CDHR1: variants seen among roughly 807,000 people sequenced by gnomAD.
The protein encoded by CDHR1 is cadherin-related family member 1.
Under a neutral mutation model 72.1 loss-of-function variants are expected in CDHR1, and 61 were observed. The ratio of observed to expected loss-of-function variants is 0.85; its 90% CI spans 0.69 to 1.05. The LOEUF is 1.05. CDHR1 is among the 50% of genes least tolerant of loss of function. The pLI is 0.00. For missense variants in CDHR1, 1,186 were observed against 1,115.7 expected (o/e 1.06, Z -0.90); for synonymous variants, 470 against 448.1 (o/e 1.05, Z -0.62).
In CDHR1 at chr10:84,211,078, T is replaced by C; in HGVS notation, c.1398T>C (p.Asn466=). ...ADVVIQLLDT[N]DNVPKFDSLY... is the part of the protein sequence containing the mutation. ...TTGTGATCCAGCTCCTGGACACCAATGACAATGTCCCCAAGTTCGACTCCC... is the reference window on the plus strand; with the variant it reads ...TTGTGATCCAGCTCCTGGACACCAACGACAATGTCCCCAAGTTCGACTCCC... The change falls in exon 13 of 17, where the codon AAT becomes AAC. Residue 466 remains asparagine (N), a synonymous_variant. Coordinates refer to ENST00000623527, the MANE Select transcript of CDHR1 (RefSeq NM_033100.4). The C allele has an allele frequency of 6.2e-7, 1 of 1,614,248 alleles. No individual in the cohort carries two copies. Among genetic ancestry groups the C allele is most frequent in the Non-Finnish European group, 8.5e-7 (1 of 1,180,038 alleles).
Position 84,205,911 on chromosome 10 carries a change from A to G in CDHR1, c.947A>G (p.Tyr316Cys). 1 of 1,613,506 alleles carries G rather than the reference A, an allele frequency of 6.2e-7. No individual in the cohort carries two copies. Residue 316 changes from tyrosine (Y) to cysteine (C), a missense_variant, in exon 10 of 17, where the codon TAT becomes TGT. Physicochemically the swap from Tyr to Cys is radical, Grantham distance 194. Coordinates refer to ENST00000623527, the MANE Select transcript of CDHR1 (RefSeq NM_033100.4). ...QSPAQLQREVYELHVQVTEMS... is the reference protein window; with the variant it reads ...QSPAQLQREVCELHVQVTEMS... ...CCGGCCCAGCTCCAGAGAGAGGTGT[A>G]TGAGCTGCATGTACAGGTACCCTCC...
chr10:84,215,094 C>A lies in CDHR1; in HGVS notation c.*473C>A, dbSNP rs930187665. On this transcript the variant is annotated 3_prime_UTR_variant, in exon 17 of 17. Transcript: ENST00000623527. ...GCAGGAGCAGGAAAAGGAGGCTCAG[C>A]ACTGTCTCAGGCTGGAGGTCAGCGA... is the stretch of plus-strand genomic sequence containing the variant. 5.7e-6 allele frequency: 6 copies of A among 1,053,246 alleles called. No homozygotes were observed. The Admixed American group carries it at 2.0e-4, about 35-fold the overall frequency. 65.2% of individuals were successfully genotyped at this position (1,053,246 alleles called of 1,614,324 possible).
intron 12 of CDHR1, among the ~76,000 whole-genome samples, chr10:84,210,425 C>G (rs556443112): frequency 6.6e-6 from 1 of 151,862 alleles, no homozygotes; most frequent in Admixed American, 6.6e-5. Context: ...ATCATCACAC[C>G]CGGCTAATTT....
At chr10:84,210,503 G>A (rs565389430) in intron 12 of CDHR1, among the ~76,000 whole-genome samples, 2 of 152,208 alleles carry the variant, frequency 1.3e-5, no homozygotes, top group South Asian at 4.2e-4. Flanking sequence ...CCGACCTCAG[G>A]TGATCCACCC....
intron 8 of CDHR1, among the ~76,000 whole-genome samples, chr10:84,203,860 G>C (rs1002043272): frequency 2.0e-5 from 3 of 152,178 alleles, no homozygotes; most frequent in Admixed American, 1.3e-4. Context: ...TCCCACTGAG[G>C]AGCTAAGGGG....
At position 84,212,225 on chromosome 10, in the gene CDHR1, G is replaced by A; in HGVS notation, c.1600G>A (p.Ala534Thr). The A allele has an allele frequency of 6.2e-7, 1 of 1,614,254 alleles. No individual in the cohort carries two copies. The highest frequency in any genetic ancestry group is 1.1e-5 in the South Asian group (1 of 91,090). The change falls in exon 15 of 17, where the codon GCT becomes ACT. Residue 534 changes from alanine (A) to threonine (T), a missense_variant. Physicochemically the swap from Ala to Thr is moderately conservative, Grantham distance 58. Transcript: ENST00000623527. ...STGLIYTQPWASLDAEATARY... is the reference protein window; with the variant it reads ...STGLIYTQPWTSLDAEATARY... ...TGGGCTTATCTACACCCAGCCCTGG[G>A]CTAGCCTGGACGCTGAGGCCACTGC...
At chr10:84,198,706 C>G (rs1007167345) in intron 4 of CDHR1, among the ~76,000 whole-genome samples, 1 of 152,234 alleles carries the variant, frequency 6.6e-6, no homozygotes, top group African/African-American at 2.4e-5. Flanking sequence ...GCCCTCAGTG[C>G]CTGGCATACT....
In CDHR1 at chr10:84,212,173, T is replaced by G. The variant is rs1336222317; in HGVS notation, c.1554-6T>G. The G allele has an allele frequency of 6.2e-7, 1 of 1,613,456 alleles. No homozygotes were observed. Among genetic ancestry groups the G allele is most frequent in the Non-Finnish European group, 8.5e-7 (1 of 1,179,416 alleles). On this transcript the variant is annotated splice_polypyrimidine_tract_variant and splice_region_variant and intron_variant, in intron 14 of 16. Coordinates refer to ENST00000623527, the MANE Select transcript of CDHR1 (RefSeq NM_033100.4). ...CACACCCATGCCTATGTGCTCTGCC[T>G]GGCAGCTTCCTGATCCACCCATCCA...
intron 3 of CDHR1, 58 bp from the exon 4 acceptor site, chr10:84,197,728 C>T: frequency 2.7e-6 from 4 of 1,495,258 alleles, no homozygotes; most frequent in Non-Finnish European, 3.7e-6. Context: ...CATCCAGCCA[C>T]AGGGGTCCTA....
chr10:84,217,034 G>A lies in CDHR1; in HGVS notation c.*2413G>A. 1 of 985,612 alleles carries A rather than the reference G, an allele frequency of 1.0e-6. No individual in the cohort carries two copies. The highest frequency in any genetic ancestry group is 1.2e-6 in the Non-Finnish European group (1 of 830,050). The allele number at this position is 985,612 out of a possible 1,614,324, so 61.1% of individuals were successfully genotyped here. A position where few individuals can be genotyped will look rare whatever the true frequency, so the allele number is the denominator to read the frequency against. ...AAGGCAGAGCCAATCTTGCAAACTG[G>A]CCATGGATGGGGAAGTGCCCGGTAG... On this transcript the variant is annotated 3_prime_UTR_variant, in exon 17 of 17. Coordinates refer to ENST00000623527, the MANE Select transcript of CDHR1 (RefSeq NM_033100.4).
downstream of CDHR1, chr10:84,218,822 GA>G: frequency 1.0e-6 from 1 of 983,392 alleles, no homozygotes; most frequent in Non-Finnish European, 1.3e-6. Context: ...AATAAGATGT[GA>G]TATTCCAAAT....
intron 6 of CDHR1, among the ~76,000 whole-genome samples, chr10:84,201,269 G>A (rs1278273205): frequency 6.6e-6 from 1 of 152,122 alleles, no homozygotes; most frequent in African/African-American, 2.4e-5. Context: ...TGGCACAAGC[G>A]CCTGACACTA....
intron 10 of CDHR1, among the ~76,000 whole-genome samples, chr10:84,206,921 A>G (rs1842236798): frequency 1.3e-5 from 2 of 152,200 alleles, no homozygotes; most frequent in South Asian, 2.1e-4. Flanking sequence ...AATGAAAAGT[A>G]TGCATGAGGC....
chr10:84,205,753 C>A, intron 9 of CDHR1, 74 bp from the exon 10 acceptor site: 1 of 970,258 alleles, frequency 1.0e-6, no homozygotes, highest in Non-Finnish European at 1.7e-6. Flanking sequence ...CAATGCAGGA[C>A]GATCCTGTGG....
At chr10:84,213,749 G>T (rs1240439685) in intron 16 of CDHR1, among the ~76,000 whole-genome samples, 1 of 151,446 alleles carries the variant, frequency 6.6e-6, no homozygotes, top group Non-Finnish European at 1.5e-5. Flanking sequence ...AAAGGCAAGT[G>T]ATCTCCTACC....
In CDHR1 at chr10:84,214,385, A is replaced by T; in HGVS notation, c.2344A>T (p.Ser782Cys). Residue 782 changes from serine to cysteine, a missense_variant, in exon 17 of 17, where the codon AGC (serine) becomes TGC (cysteine). Physicochemically the swap from Ser to Cys is moderately radical, Grantham distance 112. Coordinates refer to ENST00000623527, the MANE Select transcript of CDHR1 (RefSeq NM_033100.4). ...TCCCAATGAGAACTGTAACAACAAC[A>T]GCCCAGAAAGCTCTCTGCTCCCGAG... ...KPPNENCNNN[S>C]PESSLLPRAP... 6.2e-7 allele frequency: 1 copy of T among 1,614,070 alleles called. No individual in the cohort carries two copies. The highest frequency in any genetic ancestry group is 8.5e-7 in the Non-Finnish European group (1 of 1,180,024).
chr10:84,207,508 G>A (rs545554745), intron 10 of CDHR1, among the ~76,000 whole-genome samples: 3 of 152,310 alleles, frequency 2.0e-5, no homozygotes, highest in Non-Finnish European at 4.4e-5. Flanking sequence ...CAAAAGACCA[G>A]AGCATGCTTA....
chr10:84,205,994 AC>A (rs1284975103), intron 10 of CDHR1, 67 bp downstream of exon 10: 2 of 1,223,924 alleles, frequency 1.6e-6, no homozygotes, highest in Non-Finnish European at 2.4e-6. Context: ...AGGTGAAGAC[AC>A]CCAGGCCCTT....
chr10:84,213,024 T>C (rs1238745869), intron 15 of CDHR1, 67 bp from the exon 16 acceptor site: 32 of 1,605,316 alleles, frequency 2.0e-5, no homozygotes, highest in Non-Finnish European at 2.5e-5. Flanking sequence ...TATGACGTGC[T>C]GATTTAGCCA....
Sources: allele counts gnomAD v4.1 joint callset (sites outside exome capture counted in the v4.1 genomes callset), GRCh38; gene constraint gnomAD v4.1.1; transcripts MANE v1.5; gene names NCBI Gene and HGNC (gene_info 2026-07-23, HGNC 2026-07-21).